Variants in LY86 observed in about 807,000 individuals in gnomAD.
LY86 encodes the protein lymphocyte antigen 86.
In LY86, 20 loss-of-function variants were observed where a neutral mutation model predicts 17.3. The observed-to-expected ratio is 1.15, with a 90% CI of 0.81 to 1.68. LY86 has a LOEUF of 1.68. Among genes scored for constraint, LY86 ranks in the 40% most tolerant of loss-of-function variants. The pLI is 0.00. For missense variants in LY86, 200 were observed against 191.9 expected, an observed-to-expected ratio of 1.04 and a Z score of -0.25; for synonymous variants, 74 against 70.6, an observed-to-expected ratio of 1.05 and a Z score of -0.24.
intron 1 of LY86, among the ~76,000 whole-genome samples, chr6:6,606,722 C>T (rs998460129): frequency 6.6e-6 from 1 of 152,206 alleles, no homozygotes; most frequent in African/African-American, 2.4e-5. Context: ...GCAGCACTTG[C>T]GGGGCCCGCT....
chr6:6,613,486 C>T (rs933162031), intron 1 of LY86, among the ~76,000 whole-genome samples: 38 of 152,304 alleles, frequency 2.5e-4, no homozygotes, highest in Admixed American at 1.3e-4. Flanking sequence ...CAGCTGCTGG[C>T]CCAGGTGCTA....
intron 2 of LY86, among the ~76,000 whole-genome samples, chr6:6,625,860 C>G (rs73718614): frequency 7.9e-4 from 121 of 152,218 alleles, no homozygotes; most frequent in African/African-American, 2.7e-3. Flanking sequence ...CCATGGAACC[C>G]GCTGCAGCTT....
At chr6:6,616,271 T>C (rs1167597229) in intron 1 of LY86, among the ~76,000 whole-genome samples, 1 of 152,140 alleles carries the variant, frequency 6.6e-6, no homozygotes, top group African/African-American at 2.4e-5. Flanking sequence ...ACTTGAATCC[T>C]AGGAGGACCA....
chr6:6,606,426 C>G (rs925173475), intron 1 of LY86, among the ~76,000 whole-genome samples: 1 of 152,244 alleles, frequency 6.6e-6, no homozygotes, highest in Non-Finnish European at 1.5e-5. Context: ...GATCCTGCAC[C>G]TGGGCGGCAG....
intron 1 of LY86, among the ~76,000 whole-genome samples, chr6:6,623,972 C>T (rs1373678600): frequency 3.3e-5 from 5 of 152,192 alleles, no homozygotes; most frequent in Non-Finnish European, 4.4e-5. Flanking sequence ...CCAGACATCG[C>T]TGTTTTAAGA....
chr6:6,606,453 G>C (rs192444013), intron 1 of LY86, among the ~76,000 whole-genome samples: 2 of 152,226 alleles, frequency 1.3e-5, no homozygotes, highest in African/African-American at 4.8e-5. Context: ...CTGCCTGCCA[G>C]TCCCACACCG....
At chr6:6,593,841 G>A (rs1023459860) in intron 1 of LY86, among the ~76,000 whole-genome samples, 1 of 152,200 alleles carries the variant, frequency 6.6e-6, no homozygotes, top group East Asian at 1.9e-4. Context: ...ATGCCCCTTG[G>A]TGCAGGTCAG....
At chr6:6,600,410 C>T (rs939766004) in intron 1 of LY86, among the ~76,000 whole-genome samples, 4 of 151,662 alleles carry the variant, frequency 2.6e-5, no homozygotes, top group African/African-American at 4.9e-5. Context: ...TCCAACATGA[C>T]GATACCCTAT....
chr6:6,618,141 A>G (rs985658571), intron 1 of LY86, among the ~76,000 whole-genome samples: 14 of 152,304 alleles, frequency 9.2e-5, no homozygotes, highest in African/African-American at 3.4e-4. Context: ...GCGCCTGGCT[A>G]GCGCATTGTT....
At position 6,654,684 on chromosome 6, in the gene LY86, T is replaced by G; in HGVS notation, c.*57T>G. On this transcript the variant is annotated 3_prime_UTR_variant, in exon 5 of 5. Coordinates refer to ENST00000230568, the MANE Select transcript of LY86 (RefSeq NM_004271.4). ...GCATCTCGTGGGACCTCCAAGCTCC[T>G]CTGACTGAACCTACTGTGGGAGGAG... is the stretch of plus-strand genomic sequence containing the variant. 3.5e-6 allele frequency: 5 copies of G among 1,445,404 alleles called. No homozygotes were observed. The highest frequency in any genetic ancestry group is 4.9e-6 in the Non-Finnish European group (5 of 1,028,278). The allele number at this position is 1,445,404 out of a possible 1,614,324, so 89.5% of individuals were successfully genotyped here.
At chr6:6,590,491 G>A (rs940806341) in intron 1 of LY86, among the ~76,000 whole-genome samples, 1 of 152,006 alleles carries the variant, frequency 6.6e-6, no homozygotes, top group African/African-American at 2.4e-5. Context: ...CCGAAACCTT[G>A]GAAAGTGAAA....
intron 1 of LY86, among the ~76,000 whole-genome samples, chr6:6,619,798 A>G (rs992783427): frequency 6.6e-6 from 1 of 152,170 alleles, no homozygotes; most frequent in Non-Finnish European, 1.5e-5. Context: ...AGCCAGATCT[A>G]AGTACTGGTA....
intron 1 of LY86, among the ~76,000 whole-genome samples, chr6:6,623,898 G>A (rs946646197): frequency 8.5e-5 from 13 of 152,336 alleles, no homozygotes; most frequent in African/African-American, 2.6e-4. Context: ...TAGATTCAGT[G>A]TTGCAGGATA....
chr6:6,606,918 G>A (rs746978743), intron 1 of LY86, among the ~76,000 whole-genome samples: 19 of 152,280 alleles, frequency 1.2e-4, no homozygotes, highest in Non-Finnish European at 2.6e-4. Context: ...TGGACAGAGT[G>A]GGCACCGAGG....
intron 1 of LY86, among the ~76,000 whole-genome samples, chr6:6,614,948 C>T (rs1007847892): frequency 6.6e-6 from 1 of 152,128 alleles, no homozygotes; most frequent in African/African-American, 2.4e-5. Context: ...CTCACCGGCT[C>T]ATAAAGGGCT....
At chr6:6,615,079 A>G (rs1476171933) in intron 1 of LY86, among the ~76,000 whole-genome samples, 1 of 152,236 alleles carries the variant, frequency 6.6e-6, no homozygotes, top group Non-Finnish European at 1.5e-5. Context: ...GATACACGGT[A>G]GACGTAGGAT....
Position 6,605,330 on chromosome 6 carries a change from C to A in LY86, c.136+16460C>A, listed in dbSNP as rs114203003. Among the ~76,000 whole-genome samples, 633 of 152,276 alleles carry A rather than the reference C, an allele frequency of 4.2e-3. 3 individuals carry two copies. The highest frequency in any genetic ancestry group is 6.2e-3 in the Non-Finnish European group (420 of 68,016). On this transcript the variant is annotated intron_variant, in intron 1 of 4. Transcript: ENST00000230568. ...TTGGGTGTGGTTTAGTTGGGGGTCT[C>A]TGGGAAAAGGTGATGAAGTAGTCAA...
chr6:6,605,355 A>G (rs192698460), intron 1 of LY86, among the ~76,000 whole-genome samples: 223 of 152,342 alleles, frequency 1.5e-3, no homozygotes, highest in Admixed American at 2.9e-3. Flanking sequence ...GAAGTAGTCA[A>G]TTCTAGGCTT....
intron 3 of LY86, among the ~76,000 whole-genome samples, chr6:6,631,421 T>A (rs1271773568): frequency 6.6e-6 from 1 of 152,208 alleles, no homozygotes; most frequent in Non-Finnish European, 1.5e-5. Flanking sequence ...AGTAAACTCA[T>A]TTCAGCCCTC....
Sources: gnomAD v4.1 joint callset for allele counts (sites outside exome capture counted in the v4.1 genomes callset) on GRCh38, gnomAD v4.1.1 for gene constraint, MANE v1.5 for transcripts, NCBI Gene and HGNC (gene_info 2026-07-23, HGNC 2026-07-21) for gene names.